ZSCAN29: variants seen among roughly 807,000 people sequenced by gnomAD.
The protein encoded by ZSCAN29 is zinc finger and SCAN domain-containing protein 29.
Under a neutral mutation model 71.9 loss-of-function variants are expected in ZSCAN29, and 55 were observed. The observed-to-expected ratio is 0.76, with a 90% CI of 0.62 to 0.96. The LOEUF is 0.96. Among genes scored for constraint, ZSCAN29 ranks in the 40% least tolerant of loss-of-function variants. The pLI is 0.00. For synonymous variants in ZSCAN29, 351 were observed against 371.6 expected (o/e 0.94, Z 0.64); for missense variants, 1,042 against 1,042.2 (o/e 1.00, Z 0.00).
At chr15:43,364,423 G>T in intron 4 of ZSCAN29, 41 bp from the exon 5 acceptor site, 1 of 1,563,752 alleles carries the variant, frequency 6.4e-7, no homozygotes. Context: ...TTAATCCAGA[G>T]CTTTAGAGCC....
At position 43,369,816 on chromosome 15, in the gene ZSCAN29, C is replaced by T. The variant is rs752724376; in HGVS notation, c.98G>A (p.Arg33Gln). The stretch of plus-strand genomic sequence containing the variant: ...TTCCCAGAGTTGGCTGAAAGCCTCC[C>T]GCGGCCCAGCCACCTCCTGGTAATG... The part of the protein sequence containing the change: ...RFHYQEVAGP[R>Q]EAFSQLWELC... Residue 33 changes from arginine (R) to glutamine (Q), a missense_variant, in exon 2 of 6, where the codon CGG becomes CAG. By Grantham distance (43) the Arg-to-Gln change is conservative (BLOSUM62 1). Coordinates refer to ENST00000684362, the MANE Select transcript of ZSCAN29 (RefSeq NM_001372080.1). 8 of 1,614,054 alleles carry T rather than the reference C, an allele frequency of 5.0e-6. No homozygotes were observed. Among genetic ancestry groups the T allele is most frequent in the Non-Finnish European group, 6.8e-6 (8 of 1,180,056 alleles).
intron 5 of ZSCAN29, among the ~76,000 whole-genome samples, chr15:43,363,125 G>A (rs765206357): frequency 7.9e-5 from 12 of 151,936 alleles, no homozygotes; most frequent in Non-Finnish European, 1.0e-4. Context: ...TTACAGGTGC[G>A]CGCTACCACC....
rs939213299 is a variant in ZSCAN29, at chr15:43,364,134, C to G, written c.1471G>C (p.Asp491His). 1.2e-6 allele frequency: 2 copies of G among 1,614,076 alleles called. No homozygotes were observed. The highest frequency in any genetic ancestry group is 2.7e-5 in the African/African-American group (2 of 74,918). The part of the protein sequence containing the change: ...PETCPFFEEM[D>H]ALVSVRVAAP... ...GCAACCCGGACACTCACCAAAGCAT[C>G]CATCTCTTCAAAGAAGGGACAGGTC... Residue 491 changes from aspartate to histidine, a missense_variant, in exon 5 of 6, where the codon GAT (aspartate) becomes CAT (histidine). Transcript: ENST00000684362.
rs142559639 is a variant in ZSCAN29, at chr15:43,369,145, T to C, written c.319-18A>G. The C allele has an allele frequency of 2.6e-4, 402 of 1,534,894 alleles. 1 individual carries two copies. Among genetic ancestry groups the C allele is most frequent in the Non-Finnish European group, 2.1e-4 (240 of 1,138,036 alleles). ...ACTGTGACCTAGAAACAACCCCCGT[T>C]AATTGTCACTGCAAGATCATAATGA... On this transcript the variant is annotated intron_variant, in intron 2 of 5. Transcript: ENST00000684362.
rs1228971457 is a variant in ZSCAN29, at chr15:43,366,628, T to TTTGAA, written c.703_704insTTCAA (p.His235LeufsTer98). 1.3e-5 allele frequency: 21 copies of TTTGAA among 1,614,124 alleles called. No individual in the cohort carries two copies. Among genetic ancestry groups the TTTGAA allele is most frequent in the Non-Finnish European group, 1.8e-5 (21 of 1,180,052 alleles). ...CACCTTCTCATCTTCAAAGCTCCAGTGATCCTGTTCCACCCAGCTTCTTCT... is the reference window on the plus strand; with the variant it reads ...CACCTTCTCATCTTCAAAGCTCCAGTTTGAAGATCCTGTTCCACCCAGCTTCTTCT... On this transcript the variant is annotated frameshift_variant, in exon 4 of 6. Coordinates refer to ENST00000684362, the MANE Select transcript of ZSCAN29 (RefSeq NM_001372080.1). LOFTEE classifies it high-confidence loss of function.
chr15:43,361,842 A>T lies in ZSCAN29; in HGVS notation c.1790T>A (p.Ile597Asn). ...TTTACCCTGATGAAGATACCGGGGAATTTTCCTTTCAGATCTTGCAAGTAA... is the reference window on the plus strand; with the variant it reads ...TTTACCCTGATGAAGATACCGGGGATTTTTCCTTTCAGATCTTGCAAGTAA... ...RTLLARSERK[I>N]PRYLHQGKGN... Residue 597 changes from isoleucine to asparagine, a missense_variant, in exon 6 of 6, where the codon ATT becomes AAT. Ile to Asn is a moderately radical substitution (Grantham distance 149, BLOSUM62 -3). Coordinates refer to ENST00000684362, the MANE Select transcript of ZSCAN29 (RefSeq NM_001372080.1). 1 of 1,614,122 alleles carries T rather than the reference A, an allele frequency of 6.2e-7. No homozygotes were observed. Among genetic ancestry groups the T allele is most frequent in the South Asian group, 1.1e-5 (1 of 91,076 alleles).
Position 43,364,262 on chromosome 15 carries a change from C to A in ZSCAN29, c.1343G>T (p.Arg448Met), listed in dbSNP as rs146772052. 249 of 1,614,088 alleles carry A rather than the reference C, an allele frequency of 1.5e-4. No individual in the cohort carries two copies. The highest frequency in any genetic ancestry group is 1.9e-4 in the Non-Finnish European group (226 of 1,180,040). ...NSQLYGAVAE[R>M]LWEYGFLRTP... is the part of the protein sequence containing the mutation. The stretch of plus-strand genomic sequence containing the variant: ...CCTAAGAAAGCCATATTCCCATAAC[C>A]TCTCAGCCACTGCTCCATACAGCTG... Residue 448 changes from arginine to methionine, a missense_variant, in exon 5 of 6, where the codon AGG becomes ATG. By Grantham distance (91) the Arg-to-Met change is moderately conservative (BLOSUM62 -1). Transcript: ENST00000684362.
At chr15:43,369,451 A>G (rs1409347730) in intron 2 of ZSCAN29, 145 bp downstream of exon 2, 25 of 840,752 alleles carry the variant, frequency 3.0e-5, no homozygotes, top group Non-Finnish European at 4.0e-5. Context: ...CCAGACAAGC[A>G]CTATCTGAAA....
At chr15:43,362,300 C>T (rs557854417) in intron 5 of ZSCAN29, among the ~76,000 whole-genome samples, 11 of 152,224 alleles carry the variant, frequency 7.2e-5, no homozygotes, top group South Asian at 2.1e-4. Flanking sequence ...TGCCACATCT[C>T]GGGTCTGTCA....
In ZSCAN29 at chr15:43,364,390, C is replaced by T; in HGVS notation, c.1223-8G>A. The T allele has an allele frequency of 1.2e-6, 2 of 1,612,146 alleles. No individual in the cohort carries two copies. Among genetic ancestry groups the T allele is most frequent in the East Asian group, 2.2e-5 (1 of 44,864 alleles). On this transcript the variant is annotated splice_polypyrimidine_tract_variant and splice_region_variant and intron_variant, in intron 4 of 5. Coordinates refer to ENST00000684362, the MANE Select transcript of ZSCAN29 (RefSeq NM_001372080.1). ...CATAGCCCCAGTGTACACCTGCCAC[C>T]AGAAGAGAAATTTCAGCACCACTTA...
At chr15:43,362,724 C>T (rs900894226) in intron 5 of ZSCAN29, among the ~76,000 whole-genome samples, 6 of 152,052 alleles carry the variant, frequency 3.9e-5, no homozygotes, top group Non-Finnish European at 2.9e-5. Flanking sequence ...AATCTTAGAA[C>T]CTTAAATATG....
chr15:43,365,986 G>A (rs1369870281), intron 4 of ZSCAN29, 124 bp downstream of exon 4: 1 of 863,690 alleles, frequency 1.2e-6, no homozygotes, highest in Non-Finnish European at 1.8e-6. Context: ...ACAAAGAATG[G>A]AGAAGCACTT....
chr15:43,370,220 C>T, intron 1 of ZSCAN29, 195 bp from the exon 2 acceptor site: 1 of 325,660 alleles, frequency 3.1e-6, no homozygotes, highest in South Asian at 4.3e-5. Context: ...AATAAAAGTA[C>T]TGTCTGCCCC....
At position 43,359,137 on chromosome 15, in the gene ZSCAN29, C is replaced by T. The variant is rs1182752989; in HGVS notation, c.*1936G>A. ...TAACCTTCCCTCCTTTGACCACTTC[C>T]TGCTTCATGAAGCCTTCCTGAATAA... On this transcript the variant is annotated 3_prime_UTR_variant, in exon 6 of 6. Coordinates refer to ENST00000684362, the MANE Select transcript of ZSCAN29 (RefSeq NM_001372080.1). 1 of 152,208 alleles carries T rather than the reference C, an allele frequency of 6.6e-6. No individual in the cohort carries two copies. Among genetic ancestry groups the T allele is most frequent in the Admixed American group, 6.5e-5 (1 of 15,288 alleles). The allele number at this position is 152,208 out of a possible 1,614,324, so 9.4% of individuals were successfully genotyped here.
At position 43,370,995 on chromosome 15, in the gene ZSCAN29, C is replaced by CCCGGCA; in HGVS notation, c.-551_-550insTGCCGG. On this transcript the variant is annotated 5_prime_UTR_variant, in exon 1 of 6. Transcript: ENST00000684362. Reference sequence around the variant, plus strand: ...CCCTGACCCCGGCCCCGGCCCCGGCCCCGGCCCCGGCTCTCCAGCCTCCCA... The same window carrying CCCGGCA: ...CCCTGACCCCGGCCCCGGCCCCGGCCCCGGCACCGGCCCCGGCTCTCCAGCCTCCCA... 3.0e-6 allele frequency: 1 copy of CCCGGCA among 330,528 alleles called. No homozygotes were observed. The highest frequency in any genetic ancestry group is 5.8e-6 in the Non-Finnish European group (1 of 173,254). 20.5% of individuals were successfully genotyped at this position (330,528 alleles called of 1,614,324 possible). A position where few individuals can be genotyped will look rare whatever the true frequency, so the allele number is the denominator to read the frequency against.
intron 5 of ZSCAN29, 152 bp downstream of exon 5, chr15:43,363,763 G>C (rs1420586302): frequency 1.5e-6 from 1 of 671,120 alleles, no homozygotes; most frequent in East Asian, 2.7e-5. Context: ...TATCCCCTCA[G>C]TGAGCTGCTT....
At position 43,366,155 on chromosome 15, in the gene ZSCAN29, G is replaced by A. The variant is rs750860549; in HGVS notation, c.1177C>T (p.Gln393Ter). 1.9e-6 allele frequency: 3 copies of A among 1,613,852 alleles called. No homozygotes were observed. The highest frequency in any genetic ancestry group is 2.5e-6 in the Non-Finnish European group (3 of 1,179,934). ...SDDMDLEATP[Q>*]DPNSAAPVVF... ...ACAGGTGCAGCTGAGTTGGGGTCCT[G>A]GGGGGTCGCCTCTAGATCCATGTCA... Residue 393 changes from glutamine to a stop codon, truncating the protein, a stop_gained, in exon 4 of 6, where the codon CAG becomes TAG. Coordinates refer to ENST00000684362, the MANE Select transcript of ZSCAN29 (RefSeq NM_001372080.1). LOFTEE classifies it high-confidence loss of function.
At chr15:43,368,000 A>G (rs899166683) in intron 3 of ZSCAN29, among the ~76,000 whole-genome samples, 1 of 152,190 alleles carries the variant, frequency 6.6e-6, no homozygotes, top group Non-Finnish European at 1.5e-5. Flanking sequence ...TCAACTAGGT[A>G]TAAAGGCATT....
In ZSCAN29 at chr15:43,370,710, G is replaced by A. The variant is rs980764459; in HGVS notation, c.-265C>T. 1 of 152,748 alleles carries A rather than the reference G, an allele frequency of 6.5e-6. No individual in the cohort carries two copies. Among genetic ancestry groups the A allele is most frequent in the Non-Finnish European group, 1.5e-5 (1 of 68,418 alleles). 9.5% of individuals were successfully genotyped at this position (152,748 alleles called of 1,614,324 possible). Reference sequence around the variant, plus strand: ...AGGACGGGCTCGGGTGTCGGCCAGAGGCTCCAGGTGCTGCCGGTTCGCGGA... The same window carrying A: ...AGGACGGGCTCGGGTGTCGGCCAGAAGCTCCAGGTGCTGCCGGTTCGCGGA... On this transcript the variant is annotated 5_prime_UTR_variant, in exon 1 of 6. Coordinates refer to ENST00000684362, the MANE Select transcript of ZSCAN29 (RefSeq NM_001372080.1).
Sources: allele counts gnomAD v4.1 joint callset (sites outside exome capture counted in the v4.1 genomes callset), GRCh38; gene constraint gnomAD v4.1.1; transcripts MANE v1.5; gene names NCBI Gene and HGNC (gene_info 2026-07-23, HGNC 2026-07-21).